NRG1: variants seen among roughly 807,000 people sequenced by gnomAD.
NRG1 encodes pro-neuregulin-1, membrane-bound isoform.
A neutral mutation model predicts 63.8 loss-of-function variants in NRG1; 18 were observed. The observed-to-expected ratio is 0.28, with a 90% CI of 0.19 to 0.42. NRG1 has a LOEUF of 0.42. NRG1 is among the 10% of genes least tolerant of loss of function. The pLI is 1.00. For synonymous variants in NRG1, 302 were observed against 301.3 expected, an observed-to-expected ratio of 1.00 and a Z score of -0.02; for missense variants, 762 against 814.7, an observed-to-expected ratio of 0.94 and a Z score of 0.79.
chr8:31,881,167 A>G (rs569935994), intron 1 of NRG1, among the ~76,000 whole-genome samples: 6 of 152,234 alleles, frequency 3.9e-5, no homozygotes, highest in Middle Eastern at 3.4e-3. Flanking sequence ...GTTTTTTACA[A>G]ATTGAAGATT....
chr8:31,693,670 G>A (rs1050814725), intron 1 of NRG1, among the ~76,000 whole-genome samples: 1 of 152,290 alleles, frequency 6.6e-6, no homozygotes, highest in East Asian at 1.9e-4. Context: ...AATACACTAG[G>A]TTCTGGTTCC....
At chr8:32,130,251 G>C (rs1585517280) in intron 1 of NRG1, among the ~76,000 whole-genome samples, 2 of 151,590 alleles carry the variant, frequency 1.3e-5, no homozygotes, top group South Asian at 4.2e-4. Flanking sequence ...ATTATGAAAA[G>C]CAAAGCTACA....
intron 1 of NRG1, among the ~76,000 whole-genome samples, chr8:32,208,605 G>A (rs1844330261): frequency 6.6e-6 from 1 of 152,034 alleles, no homozygotes; most frequent in Non-Finnish European, 1.5e-5. Flanking sequence ...AAATATAGAT[G>A]TTCCATTAAA....
chr8:31,991,207 A>G (rs142029323), intron 1 of NRG1, among the ~76,000 whole-genome samples: 1 of 152,040 alleles, frequency 6.6e-6, no homozygotes, highest in Non-Finnish European at 1.5e-5. Flanking sequence ...GTGATCGAGT[A>G]AACAAAGTCC....
At chr8:32,245,602 C>A (rs1848522362) in intron 1 of NRG1, among the ~76,000 whole-genome samples, 1 of 152,054 alleles carries the variant, frequency 6.6e-6, no homozygotes, top group East Asian at 1.9e-4. Flanking sequence ...TATAGTTTTC[C>A]ACTGAAACAA....
chr8:32,470,626 G>A (rs1413100601), intron 1 of NRG1, among the ~76,000 whole-genome samples: 1 of 152,178 alleles, frequency 6.6e-6, no homozygotes, highest in Non-Finnish European at 1.5e-5. Flanking sequence ...ACTTTGGGAT[G>A]AGTGTGAGTG....
intron 1 of NRG1, among the ~76,000 whole-genome samples, chr8:32,469,729 A>G (rs1228019874): frequency 6.6e-6 from 1 of 152,246 alleles, no homozygotes; most frequent in African/African-American, 2.4e-5. Context: ...TTCAAGGGAA[A>G]GAGGATGCTA....
chr8:31,975,501 G>T (rs1283330657), intron 1 of NRG1, among the ~76,000 whole-genome samples: 1 of 152,186 alleles, frequency 6.6e-6, no homozygotes, highest in Non-Finnish European at 1.5e-5. Context: ...TAGAGTTGGG[G>T]TTTATTGTTG....
At chr8:31,823,825 A>G (rs148868111) in intron 1 of NRG1, among the ~76,000 whole-genome samples, 4 of 152,320 alleles carry the variant, frequency 2.6e-5, no homozygotes, top group African/African-American at 9.6e-5. Flanking sequence ...TATAGTAGCT[A>G]TCATTATTCC....
chr8:31,760,782 C>A (rs1817462972), intron 1 of NRG1, among the ~76,000 whole-genome samples: 1 of 152,076 alleles, frequency 6.6e-6, no homozygotes, highest in Admixed American at 6.6e-5. Context: ...GAATGGCAAT[C>A]ATTAAAAAGT....
At chr8:32,723,158 C>CT (rs35612335) in intron 5 of NRG1, among the ~76,000 whole-genome samples, 145,351 of 152,208 alleles carry the variant, frequency 0.95, 69,813 homozygotes, top group Middle Eastern at 1. Context: ...CCTTTGGTAT[C>CT]CATTTTTGCA....
At chr8:32,540,221 AG>A (rs1487969219) in intron 1 of NRG1, among the ~76,000 whole-genome samples, 1 of 152,160 alleles carries the variant, frequency 6.6e-6, no homozygotes, top group Non-Finnish European at 1.5e-5. Flanking sequence ...TTTTAATAAA[AG>A]TTTCTTAGGG....
intron 1 of NRG1, among the ~76,000 whole-genome samples, chr8:31,768,018 A>G (rs1265996951): frequency 6.6e-6 from 1 of 152,168 alleles, no homozygotes; most frequent in Non-Finnish European, 1.5e-5. Flanking sequence ...GTCCACATTT[A>G]TCTTCTCTAT....
At chr8:32,102,418 G>A (rs545925027) in intron 1 of NRG1, among the ~76,000 whole-genome samples, 2 of 152,146 alleles carry the variant, frequency 1.3e-5, no homozygotes, top group Non-Finnish European at 2.9e-5. Flanking sequence ...GATTACAGGT[G>A]TAAGCCACTG....
chr8:32,454,816 A>G (rs565597848), intron 1 of NRG1, among the ~76,000 whole-genome samples: 1 of 152,088 alleles, frequency 6.6e-6, no homozygotes, highest in South Asian at 2.1e-4. Flanking sequence ...TTCACTCACC[A>G]CTCACTCACT....
At chr8:32,129,873 T>C (rs970392214) in intron 1 of NRG1, among the ~76,000 whole-genome samples, 1 of 151,990 alleles carries the variant, frequency 6.6e-6, no homozygotes, top group African/African-American at 2.4e-5. Flanking sequence ...TAGAAAATAT[T>C]GTGTCGTTTG....
At chr8:32,377,756 T>C (rs1431561639) in intron 1 of NRG1, among the ~76,000 whole-genome samples, 1 of 152,186 alleles carries the variant, frequency 6.6e-6, no homozygotes, top group Non-Finnish European at 1.5e-5. Flanking sequence ...ATCAAAGTAG[T>C]GTAATCAGAG....
At chr8:32,444,488 G>A (rs1563473216) in intron 1 of NRG1, among the ~76,000 whole-genome samples, 1 of 152,088 alleles carries the variant, frequency 6.6e-6, no homozygotes, top group African/African-American at 2.4e-5. Flanking sequence ...TTACTTGCAT[G>A]CAATTCTGAA....
intron 2 of NRG1, among the ~76,000 whole-genome samples, chr8:32,602,097 A>C (rs1466149636): frequency 1.3e-5 from 2 of 152,164 alleles, no homozygotes; most frequent in East Asian, 1.9e-4. Flanking sequence ...AGGATTCCCA[A>C]GGGTGTTCTC....
Sources: allele counts gnomAD v4.1 joint callset (sites outside exome capture counted in the v4.1 genomes callset), GRCh38; gene constraint gnomAD v4.1.1; transcripts MANE v1.5; gene names NCBI Gene and HGNC (gene_info 2026-07-23, HGNC 2026-07-21).